ARSF: variants seen among roughly 807,000 people sequenced by gnomAD.
ARSF encodes arylsulfatase F.
In ARSF, 33 loss-of-function variants were observed where a neutral mutation model predicts 35.4. The ratio of observed to expected loss-of-function variants is 0.93; its 90% CI spans 0.71 to 1.25. The LOEUF (loss-of-function observed/expected upper bound fraction) is 1.25. Ranked by LOEUF, ARSF falls within the 50% of genes most tolerant of loss-of-function variation. The pLI, the probability that ARSF is intolerant of heterozygous loss-of-function variation, is 0.00. For missense variants in ARSF, 501 were observed against 480.2 expected, an observed-to-expected ratio of 1.04 and a Z score of -0.40; for synonymous variants, 222 against 193.1, an observed-to-expected ratio of 1.15 and a Z score of -1.24.
chrX:3,059,878 G>A (rs1229290486), intron 1 of ARSF, among the ~76,000 whole-genome samples: 2 of 112,797 alleles, frequency 1.8e-5, no homozygotes, highest in Non-Finnish European at 3.8e-5. Flanking sequence ...TGAACAAAAG[G>A]CAGCAGAAAC....
chrX:3,092,754 A>T (rs971708480), intron 7 of ARSF, among the ~76,000 whole-genome samples: 4 of 112,381 alleles, frequency 3.6e-5, no homozygotes, highest in Non-Finnish European at 7.5e-5. Flanking sequence ...ACATATATTT[A>T]CCCTGAAATT....
intron 2 of ARSF, among the ~76,000 whole-genome samples, chrX:3,071,612 C>A (rs1159703249): frequency 9.0e-6 from 1 of 110,762 alleles, no homozygotes; most frequent in Non-Finnish European, 1.9e-5. Context: ...CCGCAAGTGT[C>A]TTTTATATAT....
chrX:3,084,309 G>A lies in ARSF; in HGVS notation c.473G>A (p.Gly158Glu). Reference protein sequence around the residue: ...SDQCHHPYNYGFDYYYGMPFT... With the variant: ...SDQCHHPYNYEFDYYYGMPFT... ...CAGTGCCACCATCCATATAATTATG[G>A]GTTTGACTACTACTATGGCATGCCG... The change falls in exon 6 of 11, where the codon GGG becomes GAG. Residue 158 changes from glycine (G) to glutamate (E), a missense_variant. Physicochemically the swap from Gly to Glu is moderately conservative, Grantham distance 98 (BLOSUM62 -2). Transcript: ENST00000381127. The A allele has an allele frequency of 8.3e-7, 1 of 1,211,557 alleles. No homozygotes were observed. Among genetic ancestry groups the A allele is most frequent in the Non-Finnish European group, 1.1e-6 (1 of 895,498 alleles).
chrX:3,047,189 T>A (rs1410438661), intron 1 of ARSF, among the ~76,000 whole-genome samples: 1 of 110,338 alleles, frequency 9.1e-6, no homozygotes, highest in African/African-American at 3.3e-5. Flanking sequence ...TTTAATTTTT[T>A]TTTTTTTGAG....
intron 2 of ARSF, among the ~76,000 whole-genome samples, chrX:3,071,185 A>G (rs994865599): frequency 9.0e-6 from 1 of 111,277 alleles, no homozygotes; most frequent in Non-Finnish European, 1.9e-5. Flanking sequence ...CTATCTCTAT[A>G]TATCACATTT....
intron 7 of ARSF, among the ~76,000 whole-genome samples, chrX:3,096,940 G>A (rs1219929811): frequency 9.0e-6 from 1 of 110,941 alleles, no homozygotes; most frequent in Non-Finnish European, 1.9e-5. Context: ...GTCCTAATCC[G>A]ATATGGTGAA....
intron 9 of ARSF, among the ~76,000 whole-genome samples, chrX:3,107,912 T>C (rs1223066233): frequency 8.9e-6 from 1 of 111,806 alleles, no homozygotes; most frequent in Non-Finnish European, 1.9e-5. Context: ...CACAGTGATT[T>C]TCTCCTATGT....
At position 3,101,661 on chromosome X, in the gene ARSF, C is replaced by T. The variant is rs35662413; in HGVS notation, c.1102+440C>T. Among the ~76,000 whole-genome samples the T allele has an allele frequency of 5.0e-4, 56 of 111,355 alleles. 1 individual carries two copies. In the East Asian group the frequency reaches 0.014, roughly 28 times the overall value. On this transcript the variant is annotated intron_variant, in intron 8 of 10. Transcript: ENST00000381127. ...GACACTCTCTTCCAAGGATATAGTACAGCATAGAAAGTAGACAAGCCTGTC... is the reference window on the plus strand; with the variant it reads ...GACACTCTCTTCCAAGGATATAGTATAGCATAGAAAGTAGACAAGCCTGTC...
At chrX:3,104,891 G>C (rs2090402666) in intron 9 of ARSF, among the ~76,000 whole-genome samples, 1 of 112,179 alleles carries the variant, frequency 8.9e-6, no homozygotes, top group South Asian at 3.7e-4. Flanking sequence ...TGGTGTGAAA[G>C]ATCTGGAAGA....
At chrX:3,101,332 T>C in intron 8 of ARSF, 111 bp downstream of exon 8, 1 of 901,721 alleles carries the variant, frequency 1.1e-6, no homozygotes. Context: ...TGAACAAGTT[T>C]GTTTAATTTG....
intron 2 of ARSF, among the ~76,000 whole-genome samples, chrX:3,069,611 CTT>C (rs1289972451): frequency 9.0e-6 from 1 of 111,407 alleles, no homozygotes; most frequent in Non-Finnish European, 1.9e-5. Context: ...TGCAACCTGA[CTT>C]TTTAAAAATT....
At chrX:3,065,623 T>TGA (rs1413154198) in intron 1 of ARSF, among the ~76,000 whole-genome samples, 3 of 99,509 alleles carry the variant, frequency 3.0e-5, no homozygotes, top group African/African-American at 1.2e-4. Flanking sequence ...GGCAACAGAG[T>TGA]GAGACTCTGT....
chrX:3,072,239 C>T (rs2090110653), intron 3 of ARSF, 64 bp downstream of exon 3: 2 of 1,111,308 alleles, frequency 1.8e-6, no homozygotes, highest in Non-Finnish European at 2.4e-6. Flanking sequence ...GCTGGCTGTA[C>T]GGCTGCATCT....
intron 7 of ARSF, among the ~76,000 whole-genome samples, chrX:3,094,894 C>T (rs916830406): frequency 1.8e-5 from 2 of 108,611 alleles, no homozygotes; most frequent in African/African-American, 3.3e-5. Flanking sequence ...ATTTGTTATA[C>T]ATATTAGTAT....
At chrX:3,082,762 C>T (rs1172923372) in intron 5 of ARSF, among the ~76,000 whole-genome samples, 2 of 111,385 alleles carry the variant, frequency 1.8e-5, no homozygotes, top group Non-Finnish European at 3.8e-5. Flanking sequence ...TATACATACA[C>T]ATATGTATAC....
chrX:3,064,186 A>T (rs2090053783), intron 1 of ARSF, among the ~76,000 whole-genome samples: 1 of 112,259 alleles, frequency 8.9e-6, no homozygotes, highest in South Asian at 3.7e-4. Flanking sequence ...CAAACCTGAC[A>T]AAAACCAGAA....
chrX:3,085,948 G>C (rs1473413252), intron 6 of ARSF, among the ~76,000 whole-genome samples: 1 of 110,715 alleles, frequency 9.0e-6, no homozygotes, highest in African/African-American at 3.3e-5. Context: ...TTGAATCCGG[G>C]TGGCGGAGGT....
chrX:3,041,299 CTTTTTTT>C (rs35885735), upstream of ARSF, among the ~76,000 whole-genome samples: 1 of 87,427 alleles, frequency 1.1e-5, no homozygotes, highest in African/African-American at 4.4e-5. Context: ...TTTTCTTTTT[CTTTTTTT>C]TTTTTTTTGA....
At chrX:3,052,308 G>T (rs186958846) in intron 1 of ARSF, among the ~76,000 whole-genome samples, 91 of 111,919 alleles carry the variant, frequency 8.1e-4, no homozygotes, top group Middle Eastern at 4.6e-3. Flanking sequence ...CCTATATTTT[G>T]TCAAATTCAA....
Sources: allele counts gnomAD v4.1 joint callset (sites outside exome capture counted in the v4.1 genomes callset), GRCh38; gene constraint gnomAD v4.1.1; transcripts MANE v1.5; gene names NCBI Gene and HGNC (gene_info 2026-07-23, HGNC 2026-07-21).